IQGAP3: variants seen among roughly 807,000 people sequenced by gnomAD.
IQGAP3 encodes IQ motif containing GTPase activating protein 3, also known as ras GTPase-activating-like protein IQGAP3.
Under a neutral mutation model 208.2 loss-of-function variants are expected in IQGAP3, and 165 were observed. The ratio of observed to expected loss-of-function variants is 0.79; its 90% CI spans 0.70 to 0.90. IQGAP3 has a LOEUF of 0.90. Among genes scored for constraint, IQGAP3 ranks in the 40% least tolerant of loss-of-function variants. The pLI, the probability that IQGAP3 is intolerant of heterozygous loss-of-function variation, is 0.00. For synonymous variants in IQGAP3, 703 were observed against 803.6 expected (o/e 0.87, Z 2.12); for missense variants, 1,811 against 2,043.1 (o/e 0.89, Z 2.19).
rs1305559760 is a variant in IQGAP3 at position 156,528,617 on chromosome 1, A to T, written c.4572-7T>A. On this transcript the variant is annotated splice_polypyrimidine_tract_variant and splice_region_variant and intron_variant, in intron 35 of 37. Transcript: ENST00000361170. ...CTTCCCCTTCCCAGAACTCCTGATT[A>T]AAAGAAGGCCCCAGAGAATTCATCC... is the stretch of plus-strand genomic sequence containing the variant. 3.8e-6 allele frequency: 6 copies of T among 1,599,700 alleles called. No individual in the cohort carries two copies. The highest frequency in any genetic ancestry group is 5.1e-6 in the Non-Finnish European group (6 of 1,167,848).
chr1:156,563,374 C>G, intron 7 of IQGAP3, 62 bp from the exon 8 acceptor site: 1 of 1,500,526 alleles, frequency 6.7e-7, no homozygotes, highest in Non-Finnish European at 9.0e-7. Flanking sequence ...GGAGCGCAAC[C>G]AGTAGCAGCC....
At chr1:156,550,198 G>C (rs1383493949) in intron 16 of IQGAP3, 63 bp downstream of exon 16, 1 of 1,160,346 alleles carries the variant, frequency 8.6e-7, no homozygotes, top group African/African-American at 1.5e-5. Flanking sequence ...TGATTATCTG[G>C]GCTGCTGCTG....
chr1:156,526,409 G>A lies in IQGAP3; in HGVS notation c.*77C>T, dbSNP rs1674061271. 1.1e-6 allele frequency: 1 copy of A among 947,854 alleles called. No homozygotes were observed. The highest frequency in any genetic ancestry group is 1.6e-5 in the African/African-American group (1 of 62,334). 58.7% of individuals were successfully genotyped at this position (947,854 alleles called of 1,614,324 possible). A position where few individuals can be genotyped will look rare whatever the true frequency, so the allele number is the denominator to read the frequency against. ...GTCCTGAGCTCTAGGTGTCTGCAGG[G>A]AAGCACAGTGGTGAGTTAGTGTTAA... On this transcript the variant is annotated 3_prime_UTR_variant, in exon 38 of 38. Transcript: ENST00000361170.
At chr1:156,533,160 C>T (rs775966228) in intron 31 of IQGAP3, 54 bp from the exon 32 acceptor site, 12 of 1,580,116 alleles carry the variant, frequency 7.6e-6, no homozygotes, top group Non-Finnish European at 8.7e-6. Flanking sequence ...CACATGCGCA[C>T]ACACACATAC....
chr1:156,553,182 TA>T (rs57161838), intron 13 of IQGAP3, among the ~76,000 whole-genome samples: 6 of 147,476 alleles, frequency 4.1e-5, no homozygotes, highest in Non-Finnish European at 1.5e-5. Context: ...TCTCTAAAAA[TA>T]AAAAAAAAAG....
At chr1:156,533,296 G>C (rs764586842) in intron 31 of IQGAP3, among the ~76,000 whole-genome samples, 190 bp from the exon 32 acceptor site, 1 of 152,128 alleles carries the variant, frequency 6.6e-6, no homozygotes, top group African/African-American at 2.4e-5. Context: ...CCGATGGAAG[G>C]GCTGTTACCC....
At chr1:156,530,420 T>G (rs1328499374) in intron 33 of IQGAP3, 103 bp from the exon 34 acceptor site, 2 of 926,490 alleles carry the variant, frequency 2.2e-6, no homozygotes, top group Non-Finnish European at 3.3e-6. Flanking sequence ...GGCCTGAGCA[T>G]TTTTCTGCAT....
chr1:156,566,275 C>G, intron 3 of IQGAP3, 115 bp downstream of exon 3: 1 of 1,270,114 alleles, frequency 7.9e-7, no homozygotes, highest in Non-Finnish European at 1.1e-6. Context: ...ATTAATAACA[C>G]TCCCTTTTAT....
Position 156,563,288 on chromosome 1 carries a change from T to C in IQGAP3, c.644A>G (p.Asn215Ser), listed in dbSNP as rs139718277. The change falls in exon 8 of 38, where the codon AAT becomes AGT. Residue 215 changes from asparagine to serine, a missense_variant. Coordinates refer to ENST00000361170, the MANE Select transcript of IQGAP3 (RefSeq NM_178229.5). Reference sequence around the variant, plus strand: ...CACCACCCCTCGCTCCACTGCTTCATTGATGGCAAGAACAGCTGCATGGAC... The same window carrying C: ...CACCACCCCTCGCTCCACTGCTTCACTGATGGCAAGAACAGCTGCATGGAC... ...AAVHAAVLAINEAVERGVVED... is the reference protein window; with the variant it reads ...AAVHAAVLAISEAVERGVVED... 3.7e-4 allele frequency: 594 copies of C among 1,605,390 alleles called. 5 individuals carry two copies. In the East Asian group the frequency reaches 7.1e-3, roughly 19 times the overall value.
At chr1:156,549,615 G>A (rs765056650) in intron 16 of IQGAP3, among the ~76,000 whole-genome samples, 2 of 152,156 alleles carry the variant, frequency 1.3e-5, no homozygotes, top group Non-Finnish European at 2.9e-5. Context: ...TCTAGCCTGG[G>A]TGACAGAGTA....
In IQGAP3 at chr1:156,533,631, A is replaced by G. The variant is rs146208833; in HGVS notation, c.3976+142T>C. On this transcript the variant is annotated intron_variant, in intron 31 of 37. Coordinates refer to ENST00000361170, the MANE Select transcript of IQGAP3 (RefSeq NM_178229.5). ...CAATCTGTGTCCCTGTGCCCATGTC[A>G]GGACCAGAGGGAGAGTATGGAACTA... The G allele has an allele frequency of 1.2e-3, 804 of 654,342 alleles. 5 individuals carry two copies. In the African/African-American group the frequency reaches 0.013, roughly 10 times the overall value. The allele number at this position is 654,342 out of a possible 1,614,324, so 40.5% of individuals were successfully genotyped here.
In IQGAP3 at chr1:156,534,544, G is replaced by C. The variant is rs1421071932; in HGVS notation, c.3697C>G (p.Arg1233Gly). Residue 1233 changes from arginine (R) to glycine (G), a missense_variant, in exon 29 of 38, where the codon CGG (arginine) becomes GGG (glycine). Transcript: ENST00000361170. ...TCCTCCAGATAGTCATTCAGGACCC[G>C]TAGGTGCTGGCTCTGCCCAGAGAAG... is the stretch of plus-strand genomic sequence containing the variant. ...KAFSGQSQHL[R>G]VLNDYLEETH... 1 of 1,606,006 alleles carries C rather than the reference G, an allele frequency of 6.2e-7. No individual in the cohort carries two copies. Among genetic ancestry groups the C allele is most frequent in the East Asian group, 2.2e-5 (1 of 44,740 alleles).
At position 156,526,545 on chromosome 1, in the gene IQGAP3, C is replaced by A; in HGVS notation, c.4837G>T (p.Ala1613Ser). ...ATGAGAAGGTTGACATTGACTTTGG[C>A]CTTGTTGAAGAGTTTCATGACAGCC... ...GVAVMKLFNK[A>S]KVNVNLLIFL... The change falls in exon 38 of 38, where the codon GCC becomes TCC. Residue 1613 changes from alanine (A) to serine (S), a missense_variant. By Grantham distance (99) the Ala-to-Ser change is moderately conservative. Coordinates refer to ENST00000361170, the MANE Select transcript of IQGAP3 (RefSeq NM_178229.5). 6.2e-7 allele frequency: 1 copy of A among 1,614,162 alleles called. No homozygotes were observed. Among genetic ancestry groups the A allele is most frequent in the Non-Finnish European group, 8.5e-7 (1 of 1,180,018 alleles).
chr1:156,563,937 C>T, intron 5 of IQGAP3, 113 bp from the exon 6 acceptor site: 2 of 763,376 alleles, frequency 2.6e-6, no homozygotes, highest in Non-Finnish European at 4.3e-6. Context: ...GACCACTCAG[C>T]ACCTGCCCTC....
intron 1 of IQGAP3, among the ~76,000 whole-genome samples, chr1:156,571,840 T>C (rs1676659100): frequency 6.6e-6 from 1 of 152,190 alleles, no homozygotes; most frequent in Non-Finnish European, 1.5e-5. Context: ...AGATAGAACC[T>C]TTCTGCCCCA....
intron 13 of IQGAP3, 117 bp downstream of exon 13, chr1:156,554,117 TG>T: frequency 7.9e-7 from 1 of 1,264,296 alleles, no homozygotes; most frequent in South Asian, 1.5e-5. Flanking sequence ...ACCCAGAGGG[TG>T]GGCCTGGGCC....
chr1:156,549,454 G>A (rs1675433201), intron 16 of IQGAP3, among the ~76,000 whole-genome samples: 2 of 134,866 alleles, frequency 1.5e-5, no homozygotes, highest in Non-Finnish European at 1.5e-5. Context: ...CTTGGTGACA[G>A]AGCAACACTC....
chr1:156,530,746 G>A (rs1458889414), intron 33 of IQGAP3, among the ~76,000 whole-genome samples: 1 of 152,202 alleles, frequency 6.6e-6, no homozygotes, highest in Non-Finnish European at 1.5e-5. Context: ...TCTTTGGGAA[G>A]ACCCTGGTTC....
rs1676406660 is a variant in IQGAP3 at position 156,566,526 on chromosome 1, T to C, written c.146A>G (p.Lys49Arg). The change falls in exon 3 of 38, where the codon AAG becomes AGG. Residue 49 changes from lysine to arginine, a missense_variant. By Grantham distance (26) the Lys-to-Arg change is conservative. Coordinates refer to ENST00000361170, the MANE Select transcript of IQGAP3 (RefSeq NM_178229.5). Reference protein sequence around the residue: ...EAKRWMEACLKEELPSPVELE... With the variant: ...EAKRWMEACLREELPSPVELE... ...CTCCACCGGGGAAGGAAGCTCCTCC[T>C]TCAGGCAGGCCTCCATCCAGCTATG... 6.2e-7 allele frequency: 1 copy of C among 1,614,130 alleles called. No homozygotes were observed. The highest frequency in any genetic ancestry group is 2.2e-5 in the East Asian group (1 of 44,880).
Sources: allele counts gnomAD v4.1 joint callset (sites outside exome capture counted in the v4.1 genomes callset), GRCh38; gene constraint gnomAD v4.1.1; transcripts MANE v1.5; gene names NCBI Gene and HGNC (gene_info 2026-07-23, HGNC 2026-07-21).